The following PCDH9 variants were observed in gnomAD, a reference collection of about 807,000 sequenced individuals.
PCDH9 encodes the protein protocadherin-9.
Under a neutral mutation model 70.6 loss-of-function variants are expected in PCDH9, and 24 were observed. The observed-to-expected ratio is 0.34, with a 90% CI of 0.25 to 0.48. PCDH9 has a LOEUF of 0.48. Ranked by LOEUF, PCDH9 falls within the 20% of genes least tolerant of loss-of-function variation. PCDH9 has a pLI of 0.99. For missense variants in PCDH9, 1,281 were observed against 1,503.6 expected, an observed-to-expected ratio of 0.85 and a Z score of 2.45; for synonymous variants, 562 against 558.5, an observed-to-expected ratio of 1.01 and a Z score of -0.09.
chr13:66,991,497 T>A (rs906055287), intron 2 of PCDH9, among the ~76,000 whole-genome samples: 8 of 147,842 alleles, frequency 5.4e-5, no homozygotes, highest in South Asian at 2.1e-4. Flanking sequence ...TTTCTCCAGT[T>A]ACATAATATT....
intron 3 of PCDH9, among the ~76,000 whole-genome samples, chr13:66,699,834 G>A (rs2078613664): frequency 6.6e-6 from 1 of 152,040 alleles, no homozygotes; most frequent in South Asian, 2.1e-4. Flanking sequence ...GAAATGCTAA[G>A]CTGACTCTTC....
At chr13:66,530,518 A>G (rs1960406650) in intron 4 of PCDH9, among the ~76,000 whole-genome samples, 1 of 151,918 alleles carries the variant, frequency 6.6e-6, no homozygotes, top group African/African-American at 2.4e-5. Flanking sequence ...GAACTATGAC[A>G]TTAAATAGGA....
chr13:67,076,177 T>C (rs768371692), intron 2 of PCDH9, among the ~76,000 whole-genome samples: 40 of 152,148 alleles, frequency 2.6e-4, no homozygotes, highest in Non-Finnish European at 4.7e-4. Context: ...TGCCAGACAC[T>C]GCCCTAAATA....
chr13:66,962,927 C>T (rs532965574), intron 2 of PCDH9, among the ~76,000 whole-genome samples: 78 of 152,252 alleles, frequency 5.1e-4, no homozygotes, highest in African/African-American at 1.9e-3. Flanking sequence ...AATAATTACA[C>T]AGCTCACCAT....
chr13:66,467,917 A>C (rs1467234857), intron 4 of PCDH9, among the ~76,000 whole-genome samples: 1 of 151,846 alleles, frequency 6.6e-6, no homozygotes, highest in Non-Finnish European at 1.5e-5. Flanking sequence ...GCTCTTGTCT[A>C]TGTTAGTAAT....
intron 4 of PCDH9, among the ~76,000 whole-genome samples, chr13:66,362,157 G>C (rs1291372762): frequency 1.3e-5 from 2 of 152,096 alleles, no homozygotes; most frequent in Non-Finnish European, 2.9e-5. Context: ...ATTAGCTTTT[G>C]ATAAAATTGA....
At chr13:67,041,150 G>C (rs1235055205) in intron 2 of PCDH9, among the ~76,000 whole-genome samples, 1 of 152,056 alleles carries the variant, frequency 6.6e-6, no homozygotes, top group African/African-American at 2.4e-5. Flanking sequence ...CAAAGCAAAG[G>C]GTATTTTATT....
At chr13:66,679,224 G>A (rs955941475) in intron 3 of PCDH9, among the ~76,000 whole-genome samples, 1 of 151,480 alleles carries the variant, frequency 6.6e-6, no homozygotes, top group Admixed American at 6.6e-5. Context: ...TTTAGCTACA[G>A]TCTTTTTATA....
intron 3 of PCDH9, among the ~76,000 whole-genome samples, chr13:66,723,608 G>A (rs1236257937): frequency 6.6e-6 from 1 of 152,148 alleles, no homozygotes; most frequent in African/African-American, 2.4e-5. Flanking sequence ...GCCTGAAGAA[G>A]AAAACTGTAG....
At chr13:66,687,218 A>G (rs1000250341) in intron 3 of PCDH9, among the ~76,000 whole-genome samples, 1 of 152,188 alleles carries the variant, frequency 6.6e-6, no homozygotes, top group African/African-American at 2.4e-5. Context: ...TAGGAAAGGA[A>G]TAGACAATAA....
chr13:66,442,418 T>G (rs543929639), intron 4 of PCDH9, among the ~76,000 whole-genome samples: 86 of 152,222 alleles, frequency 5.6e-4, no homozygotes, highest in African/African-American at 2.0e-3. Context: ...GTGAGGCCTT[T>G]AGTTAATCAG....
intron 4 of PCDH9, among the ~76,000 whole-genome samples, chr13:66,364,088 G>A (rs77472638): frequency 6.6e-6 from 1 of 152,184 alleles, no homozygotes; most frequent in Middle Eastern, 3.4e-3. Context: ...CCAGGAGGCG[G>A]TGGTTGCAGT....
intron 4 of PCDH9, among the ~76,000 whole-genome samples, chr13:66,606,440 TGAAGG>T (rs1199164965): frequency 3.3e-5 from 5 of 152,124 alleles, no homozygotes; most frequent in Non-Finnish European, 2.9e-5. Context: ...GAAAATACGA[TGAAGG>T]GAATAGTACC....
chr13:66,621,242 C>T (rs910337618), intron 4 of PCDH9, among the ~76,000 whole-genome samples: 1 of 152,148 alleles, frequency 6.6e-6, no homozygotes, highest in Non-Finnish European at 1.5e-5. Context: ...GGTTATGTTA[C>T]ATTACATAAG....
intron 3 of PCDH9, among the ~76,000 whole-genome samples, chr13:66,863,517 C>T (rs997464964): frequency 1.3e-5 from 2 of 152,100 alleles, no homozygotes; most frequent in Admixed American, 6.6e-5. Flanking sequence ...GATGGAGTCT[C>T]ACTCTGTCGC....
At chr13:66,865,765 T>A (rs1377492582) in intron 3 of PCDH9, among the ~76,000 whole-genome samples, 3 of 152,214 alleles carry the variant, frequency 2.0e-5, no homozygotes, top group Non-Finnish European at 2.9e-5. Flanking sequence ...TTATACTTCT[T>A]TCAAGTTACT....
chr13:66,944,755 T>C (rs933910949), intron 2 of PCDH9, among the ~76,000 whole-genome samples: 5 of 152,072 alleles, frequency 3.3e-5, no homozygotes, highest in Admixed American at 3.3e-4. Flanking sequence ...AATGTAATTT[T>C]ATCATTCATT....
At chr13:66,685,178 G>A (rs1022405416) in intron 3 of PCDH9, among the ~76,000 whole-genome samples, 9 of 152,132 alleles carry the variant, frequency 5.9e-5, no homozygotes, top group South Asian at 4.1e-4. Flanking sequence ...CCCATCACCC[G>A]CCCAGAGGCC....
At chr13:66,551,061 GT>G (rs1266879560) in intron 4 of PCDH9, among the ~76,000 whole-genome samples, 2 of 152,144 alleles carry the variant, frequency 1.3e-5, no homozygotes, top group Non-Finnish European at 2.9e-5. Flanking sequence ...CAAGTTGAGG[GT>G]GACTATAGTT....
Sources: gnomAD v4.1 joint callset for allele counts (sites outside exome capture counted in the v4.1 genomes callset) on GRCh38, gnomAD v4.1.1 for gene constraint, MANE v1.5 for transcripts, NCBI Gene and HGNC (gene_info 2026-07-23, HGNC 2026-07-21) for gene names.